Variants in COX6C observed in about 807,000 individuals in gnomAD.
COX6C encodes cytochrome c oxidase polypeptide VIc.
COX6C carries 3 observed loss-of-function variants against 6.9 expected under a neutral mutation model. The ratio of observed to expected loss-of-function variants is 0.43; its 90% CI spans 0.20 to 1.12. The LOEUF is 1.12. COX6C is among the 50% of genes most tolerant of loss of function. COX6C has a pLI of 0.27. For missense variants in COX6C, 101 were observed against 97.3 expected, an observed-to-expected ratio of 1.04 and a Z score of -0.16; for synonymous variants, 32 against 32.0, an observed-to-expected ratio of 1.00 and a Z score of 0.00.
intron 2 of COX6C, among the ~76,000 whole-genome samples, chr8:99,889,789 T>C (rs534419795): frequency 3.3e-5 from 5 of 152,128 alleles, no homozygotes; most frequent in Admixed American, 1.3e-4. Context: ...CATGTATTTT[T>C]GTATTTTTAG....
chr8:99,892,174 C>G, intron 1 of COX6C, 122 bp from the exon 2 acceptor site: 1 of 598,228 alleles, frequency 1.7e-6, no homozygotes, highest in Non-Finnish European at 2.9e-6. Flanking sequence ...GCAGCAGTTA[C>G]AAATGAATGT....
At chr8:99,891,721 T>C (rs757447646) in intron 2 of COX6C, among the ~76,000 whole-genome samples, 187 bp downstream of exon 2, 3 of 152,200 alleles carry the variant, frequency 2.0e-5, no homozygotes, top group Non-Finnish European at 4.4e-5. Flanking sequence ...GGTTCTTTGT[T>C]ACGGCATTCC....
At chr8:99,878,612 G>A (rs1275868833) in intron 3 of COX6C, 1 of 135,944 alleles carries the variant, frequency 7.4e-6, no homozygotes, top group Non-Finnish European at 1.5e-5. Context: ...GCCACATACT[G>A]TTTCTGTTCC....
intron 3 of COX6C, among the ~76,000 whole-genome samples, chr8:99,879,371 T>A (rs550566514): frequency 2.8e-4 from 43 of 152,252 alleles, no homozygotes; most frequent in Admixed American, 1.3e-3. Flanking sequence ...TACTTTTTTT[T>A]AAAAAAGTGA....
chr8:99,887,550 A>G lies in COX6C; in HGVS notation c.183T>C (p.Asp61=). ...TACCAGCCTTCCTCATCTCCTCAAA[A>G]TCTTTCATGACATCGTAGTTTCTGT... ...DFYRNYDVMK[D]FEEMRKAGIF... Residue 61 remains aspartate (D), a synonymous_variant, in exon 3 of 4, where the codon GAT becomes GAC. Transcript: ENST00000520468. 1 of 1,610,502 alleles carries G rather than the reference A, an allele frequency of 6.2e-7. No homozygotes were observed. Among genetic ancestry groups the G allele is most frequent in the South Asian group, 1.1e-5 (1 of 90,300 alleles).
chr8:99,880,678 G>A (rs1817848240), intron 3 of COX6C, among the ~76,000 whole-genome samples: 1 of 151,554 alleles, frequency 6.6e-6, no homozygotes, highest in African/African-American at 2.4e-5. Flanking sequence ...ACCAGCCCAG[G>A]CAACATGGTG....
intron 3 of COX6C, chr8:99,887,030 A>C (rs1817952079): frequency 6.6e-6 from 1 of 152,348 alleles, no homozygotes; most frequent in Non-Finnish European, 1.5e-5. Context: ...ATTCTGATAA[A>C]ACCATCATAA....
At chr8:99,879,319 G>C (rs967975221) in intron 3 of COX6C, among the ~76,000 whole-genome samples, 7 of 152,180 alleles carry the variant, frequency 4.6e-5, no homozygotes, top group African/African-American at 1.7e-4. Context: ...AAGACAGCTA[G>C]TCACTCGTGG....
At chr8:99,883,983 C>G (rs1287790672) in intron 3 of COX6C, among the ~76,000 whole-genome samples, 1 of 152,120 alleles carries the variant, frequency 6.6e-6, no homozygotes, top group Non-Finnish European at 1.5e-5. Context: ...AAACTATCAA[C>G]AGAAGGAATG....
At position 99,887,634 on chromosome 8, in the gene COX6C, C is replaced by A. The variant is rs921854077; in HGVS notation, c.115-16G>T. ...CCACACGAAACTAAAAAGCAACCATCCATTAGAGTTTATTTTTCAGATTAC... is the reference window on the plus strand; with the variant it reads ...CCACACGAAACTAAAAAGCAACCATACATTAGAGTTTATTTTTCAGATTAC... On this transcript the variant is annotated splice_polypyrimidine_tract_variant and intron_variant, in intron 2 of 3. Transcript: ENST00000520468. 6.6e-7 allele frequency: 1 copy of A among 1,523,024 alleles called. No individual in the cohort carries two copies. 94.3% of individuals were successfully genotyped at this position (1,523,024 alleles called of 1,614,324 possible).
rs1033747486 is a variant in COX6C at position 99,877,980 on chromosome 8, G to C, written c.*301C>G. The C allele has an allele frequency of 5.3e-5, 8 of 152,164 alleles. No homozygotes were observed. Among genetic ancestry groups the C allele is most frequent in the Non-Finnish European group, 1.0e-4 (7 of 68,018 alleles). 9.4% of individuals were successfully genotyped at this position (152,164 alleles called of 1,614,324 possible). A position where few individuals can be genotyped will look rare whatever the true frequency, so the allele number is the denominator to read the frequency against. On this transcript the variant is annotated 3_prime_UTR_variant, in exon 4 of 4. Transcript: ENST00000520468. ...ATCCATAGCCCAAGACCAAGTAACT[G>C]CAATGAAACGGACAAACTATCACAG...
intron 3 of COX6C, among the ~76,000 whole-genome samples, chr8:99,879,445 T>C (rs2131000114): frequency 6.6e-6 from 1 of 152,288 alleles, no homozygotes; most frequent in Non-Finnish European, 1.5e-5. Flanking sequence ...ATAAAAATGA[T>C]TTTGAACATA....
intron 3 of COX6C, among the ~76,000 whole-genome samples, chr8:99,886,753 A>G (rs553248884): frequency 6.6e-6 from 1 of 152,352 alleles, no homozygotes; most frequent in Admixed American, 6.5e-5. Context: ...AGCCAGTCAC[A>G]AGAAAACAAA....
At chr8:99,886,768 G>A (rs1448913665) in intron 3 of COX6C, among the ~76,000 whole-genome samples, 1 of 152,204 alleles carries the variant, frequency 6.6e-6, no homozygotes, top group Non-Finnish European at 1.5e-5. Flanking sequence ...AACAAATACT[G>A]TGTGATTCTA....
chr8:99,890,518 C>A (rs1310291846), intron 2 of COX6C, among the ~76,000 whole-genome samples: 2 of 152,194 alleles, frequency 1.3e-5, no homozygotes, highest in Non-Finnish European at 2.9e-5. Context: ...TTATACACTG[C>A]CTCTTATTCA....
At chr8:99,887,388 C>CA (rs1817958059) in intron 3 of COX6C, 102 bp downstream of exon 3, 1 of 598,248 alleles carries the variant, frequency 1.7e-6, no homozygotes, top group Non-Finnish European at 2.7e-6. Context: ...ATCGTAAAGT[C>CA]AAAAAATCTT....
intron 2 of COX6C, among the ~76,000 whole-genome samples, chr8:99,888,108 AAAAAAAT>A (rs1324762408): frequency 1.3e-5 from 2 of 150,846 alleles, no homozygotes; most frequent in Non-Finnish European, 3.0e-5. Flanking sequence ...TAAAAAATAA[AAAAAAAT>A]AAAAAATAAA....
intron 1 of COX6C, among the ~76,000 whole-genome samples, chr8:99,892,685 G>GC (rs1818073925): frequency 7.1e-6 from 1 of 140,534 alleles, no homozygotes; most frequent in African/African-American, 2.7e-5. Context: ...TCTTCCCCCC[G>GC]CCCCCCATAT....
At chr8:99,893,282 G>A (rs1818084968) in intron 1 of COX6C, 2 of 152,296 alleles carry the variant, frequency 1.3e-5, no homozygotes, top group South Asian at 2.1e-4. Flanking sequence ...TTTCTCACGG[G>A]AGAAACACCG....
Sources: gnomAD v4.1 joint callset for allele counts (sites outside exome capture counted in the v4.1 genomes callset) on GRCh38, gnomAD v4.1.1 for gene constraint, MANE v1.5 for transcripts, NCBI Gene and HGNC (gene_info 2026-07-23, HGNC 2026-07-21) for gene names.